NRG1: variants seen among roughly 807,000 people sequenced by gnomAD.
NRG1 encodes pro-neuregulin-1, membrane-bound isoform.
Under a neutral mutation model 63.8 loss-of-function variants are expected in NRG1, and 18 were observed. The observed-to-expected ratio is 0.28, with a 90% CI of 0.19 to 0.42. The LOEUF is 0.42. Ranked by LOEUF, NRG1 falls within the 10% of genes least tolerant of loss-of-function variation. The pLI is 1.00. For missense variants in NRG1, 762 were observed against 814.7 expected (o/e 0.94, Z 0.79); for synonymous variants, 302 against 301.3 (o/e 1.00, Z -0.02).
At chr8:32,760,831 T>C in intron 11 of NRG1, 1 of 1,014,170 alleles carries the variant, frequency 9.9e-7, no homozygotes, top group Non-Finnish European at 1.2e-6. Flanking sequence ...CTCGTGTTCT[T>C]ATCTGCTAAC....
At chr8:31,917,114 C>T (rs1487267644) in intron 1 of NRG1, among the ~76,000 whole-genome samples, 2 of 125,938 alleles carry the variant, frequency 1.6e-5, no homozygotes. Context: ...AGCCCTTTGT[C>T]AGATGAATAG....
At chr8:31,944,699 G>A (rs557673761) in intron 1 of NRG1, among the ~76,000 whole-genome samples, 8 of 140,514 alleles carry the variant, frequency 5.7e-5, no homozygotes, top group African/African-American at 1.6e-4. Flanking sequence ...CATCCTTTCC[G>A]AAGAGAGCAA....
intron 1 of NRG1, among the ~76,000 whole-genome samples, chr8:31,813,520 T>TCTTTTC (rs1554540779): frequency 1.1e-3 from 128 of 116,614 alleles, no homozygotes; most frequent in South Asian, 8.3e-3. Context: ...TCTTTTCTTT[T>TCTTTTC]TTTTTTTTTT....
intron 1 of NRG1, among the ~76,000 whole-genome samples, chr8:32,312,635 G>A (rs554617448): frequency 3.9e-5 from 6 of 152,118 alleles, no homozygotes; most frequent in African/African-American, 1.2e-4. Context: ...CCATTCCCAC[G>A]AGAGACCGTC....
chr8:32,722,128 T>C (rs7845510), intron 5 of NRG1: 110,061 of 1,128,032 alleles, frequency 0.098, 8,334 homozygotes, highest in African/African-American at 0.37. Flanking sequence ...ATTAAGCAAA[T>C]GGCGTAGAGT....
chr8:31,711,353 CT>C (rs1202563795), intron 1 of NRG1, among the ~76,000 whole-genome samples: 1 of 152,120 alleles, frequency 6.6e-6, no homozygotes, highest in Non-Finnish European at 1.5e-5. Flanking sequence ...TTGACTCAAA[CT>C]TTCTTTTTCT....
chr8:31,760,042 A>G (rs1459202805), intron 1 of NRG1, among the ~76,000 whole-genome samples: 1 of 152,110 alleles, frequency 6.6e-6, no homozygotes, highest in Non-Finnish European at 1.5e-5. Context: ...CTCCTCTGAT[A>G]TCCTGAACCC....
At chr8:32,614,037 T>C (rs923522925) in intron 3 of NRG1, among the ~76,000 whole-genome samples, 3 of 152,088 alleles carry the variant, frequency 2.0e-5, no homozygotes, top group Non-Finnish European at 4.4e-5. Flanking sequence ...CAATTTTAAA[T>C]AGAATTCAAT....
chr8:32,200,427 G>A (rs1025937846), intron 1 of NRG1, among the ~76,000 whole-genome samples: 1 of 151,834 alleles, frequency 6.6e-6, no homozygotes, highest in Non-Finnish European at 1.5e-5. Context: ...TTTTTTAACC[G>A]TTTTGTCTGT....
chr8:31,716,736 C>A (rs183922665), intron 1 of NRG1, among the ~76,000 whole-genome samples: 11 of 152,108 alleles, frequency 7.2e-5, no homozygotes, highest in African/African-American at 2.7e-4. Context: ...TGTCTAAATA[C>A]GGTTCTAATT....
intron 1 of NRG1, among the ~76,000 whole-genome samples, chr8:32,036,686 C>CA (rs990708231): frequency 2.7e-4 from 41 of 152,268 alleles, no homozygotes; most frequent in African/African-American, 9.4e-4. Context: ...AGATAGTCTT[C>CA]AAGCTCTGAT....
chr8:32,148,779 C>T (rs987422060), intron 1 of NRG1, among the ~76,000 whole-genome samples: 1 of 152,176 alleles, frequency 6.6e-6, no homozygotes, highest in Non-Finnish European at 1.5e-5. Context: ...CCTCACAACA[C>T]CCCAGTAAGT....
At chr8:31,923,029 T>C (rs1834040101) in intron 1 of NRG1, among the ~76,000 whole-genome samples, 1 of 152,092 alleles carries the variant, frequency 6.6e-6, no homozygotes, top group Non-Finnish European at 1.5e-5. Context: ...GAAGAATGAA[T>C]AGAAAGTAGG....
At chr8:31,664,870 T>C (rs533092422) in intron 1 of NRG1, among the ~76,000 whole-genome samples, 1 of 152,176 alleles carries the variant, frequency 6.6e-6, no homozygotes, top group Non-Finnish European at 1.5e-5. Context: ...GAAAGCATGA[T>C]CAGTGACCAG....
In NRG1 at chr8:31,929,527, A is replaced by G. The variant is rs1585844365; in HGVS notation, c.37+290096A>G. On this transcript the variant is annotated intron_variant, in intron 1 of 10. Coordinates refer to the NRG1 transcript ENST00000519301. ...TCTTACATAATACACACACATGTCTATGTAATGACATATATATAATATTTT... is the reference window on the plus strand; with the variant it reads ...TCTTACATAATACACACACATGTCTGTGTAATGACATATATATAATATTTT... Among the ~76,000 whole-genome samples the G allele has an allele frequency of 2.0e-5, 3 of 152,132 alleles. No homozygotes were observed. In the East Asian group the frequency reaches 5.8e-4, roughly 29 times the overall value.
intron 1 of NRG1, among the ~76,000 whole-genome samples, chr8:32,340,145 T>C (rs1299417712): frequency 6.6e-6 from 1 of 152,200 alleles, no homozygotes; most frequent in East Asian, 1.9e-4. Context: ...AATTGGCATT[T>C]AATGAAATAT....
chr8:32,001,076 TC>T (rs1195575936), intron 1 of NRG1, among the ~76,000 whole-genome samples: 1 of 152,052 alleles, frequency 6.6e-6, no homozygotes, highest in Non-Finnish European at 1.5e-5. Flanking sequence ...TCTACCATGT[TC>T]CCCCTATTAT....
intron 1 of NRG1, among the ~76,000 whole-genome samples, chr8:32,439,294 A>G (rs1819204037): frequency 6.6e-6 from 1 of 152,216 alleles, no homozygotes; most frequent in South Asian, 2.1e-4. Context: ...TGTACTGAGG[A>G]ATGAGGATAC....
intron 1 of NRG1, among the ~76,000 whole-genome samples, chr8:32,180,413 C>T (rs566291950): frequency 1.3e-5 from 2 of 152,072 alleles, no homozygotes; most frequent in African/African-American, 4.8e-5. Context: ...GTTTAAAATA[C>T]ATCAGATTAC....
Sources: allele counts gnomAD v4.1 joint callset (sites outside exome capture counted in the v4.1 genomes callset), GRCh38; gene constraint gnomAD v4.1.1; transcripts MANE v1.5; gene names NCBI Gene and HGNC (gene_info 2026-07-23, HGNC 2026-07-21).